The following DOK6 variants were observed in gnomAD, a reference collection of about 807,000 sequenced individuals.
The protein encoded by DOK6 is docking protein 6, also known as downstream of tyrosine kinase 6.
A neutral mutation model predicts 44.0 loss-of-function variants in DOK6; 22 were observed. That is an observed-to-expected ratio of 0.50 (90% confidence interval 0.36 to 0.71). The LOEUF is 0.71. Among genes scored for constraint, DOK6 ranks in the 30% least tolerant of loss-of-function variants. The probability of loss-of-function intolerance (pLI) is 0.00; values close to 1 mark genes in which losing one functional copy is unlikely to be tolerated. For missense variants in DOK6, 340 were observed against 416.4 expected (o/e 0.82, Z 1.60); for synonymous variants, 166 against 145.5 (o/e 1.14, Z -1.01).
Position 69,775,029 on chromosome 18 carries a change from C to T in DOK6, c.856+17156C>T, listed in dbSNP as rs868100396. 6.6e-5 allele frequency among the ~76,000 whole-genome samples: 10 copies of T among 151,530 alleles called. No individual in the cohort carries two copies. In the East Asian group the frequency reaches 9.6e-4, roughly 15 times the overall value. Reference sequence around the variant, plus strand: ...TTGACATCAGATATCTCAATAGCAACGAGATAGAACAGGAAGTGATGAAAT... The same window carrying T: ...TTGACATCAGATATCTCAATAGCAATGAGATAGAACAGGAAGTGATGAAAT... On this transcript the variant is annotated intron_variant, in intron 7 of 7. Transcript: ENST00000382713.
chr18:69,441,764 G>A (rs144772668), intron 1 of DOK6, among the ~76,000 whole-genome samples: 2 of 152,232 alleles, frequency 1.3e-5, no homozygotes, highest in Non-Finnish European at 1.5e-5. Flanking sequence ...CTGTTGCATT[G>A]TGAAAAGCAC....
intron 4 of DOK6, among the ~76,000 whole-genome samples, chr18:69,687,193 T>C (rs775209647): frequency 5.9e-5 from 9 of 152,156 alleles, no homozygotes; most frequent in African/African-American, 1.9e-4. Flanking sequence ...TTGAATCCAA[T>C]ATTATACAAA....
intron 1 of DOK6, among the ~76,000 whole-genome samples, chr18:69,466,817 G>A (rs1445521026): frequency 6.6e-6 from 1 of 151,586 alleles, no homozygotes; most frequent in Admixed American, 6.6e-5. Flanking sequence ...AAAGAAGGAA[G>A]GAAGAAAGAA....
intron 3 of DOK6, among the ~76,000 whole-genome samples, chr18:69,676,478 G>T (rs1599257625): frequency 6.6e-6 from 1 of 152,142 alleles, no homozygotes; most frequent in Non-Finnish European, 1.5e-5. Context: ...ACCTGTCACA[G>T]ATAACTTTTC....
chr18:69,542,008 TA>T lies in DOK6; in HGVS notation c.67-22474del, dbSNP rs935454855. 9.4e-4 allele frequency among the ~76,000 whole-genome samples: 142 copies of T among 151,440 alleles called. 4 individuals carry two copies. The highest frequency in any genetic ancestry group is 3.2e-3 in the African/African-American group (131 of 41,416). ...GTGAGTCCCTAGAGCTTAGTTTGAG[TA>T]AAAAGAAGTGGAAGTTAGTCTGAAA... On this transcript the variant is annotated intron_variant, in intron 1 of 7. Coordinates refer to ENST00000382713, the MANE Select transcript of DOK6 (RefSeq NM_152721.6).
At chr18:69,677,894 G>A (rs1467896744) in intron 4 of DOK6, 41 bp downstream of exon 4, 1 of 1,590,904 alleles carries the variant, frequency 6.3e-7, no homozygotes, top group East Asian at 2.3e-5. Flanking sequence ...GAATACCCTT[G>A]TAATTGTAGA....
At chr18:69,475,516 A>G (rs1246560618) in intron 1 of DOK6, among the ~76,000 whole-genome samples, 1 of 152,134 alleles carries the variant, frequency 6.6e-6, no homozygotes, top group Non-Finnish European at 1.5e-5. Context: ...GAAATTCAGC[A>G]TTTTCTGTGC....
intron 1 of DOK6, among the ~76,000 whole-genome samples, chr18:69,467,445 TC>T (rs1272846336): frequency 1.3e-5 from 2 of 152,162 alleles, no homozygotes; most frequent in African/African-American, 4.8e-5. Flanking sequence ...AGGAATATAG[TC>T]CTATACTATA....
chr18:69,614,096 A>G (rs1984226276), intron 3 of DOK6, among the ~76,000 whole-genome samples: 2 of 151,998 alleles, frequency 1.3e-5, no homozygotes, highest in South Asian at 4.1e-4. Context: ...CAAATTCTAT[A>G]TCTTTATTTC....
intron 3 of DOK6, among the ~76,000 whole-genome samples, chr18:69,619,143 G>A (rs934675643): frequency 1.3e-5 from 2 of 152,192 alleles, no homozygotes; most frequent in African/African-American, 4.8e-5. Context: ...CCAAAGAGGA[G>A]TAAGTTGGAC....
intron 1 of DOK6, among the ~76,000 whole-genome samples, chr18:69,421,936 A>G (rs1978504847): frequency 6.6e-6 from 1 of 152,186 alleles, no homozygotes. Context: ...CCCTGCCATT[A>G]AAACAAAGCA....
At chr18:69,637,301 A>C (rs529611587) in intron 3 of DOK6, among the ~76,000 whole-genome samples, 1 of 152,364 alleles carries the variant, frequency 6.6e-6, no homozygotes, top group East Asian at 1.9e-4. Context: ...TGAGTTTAGG[A>C]AATGCAATGT....
At chr18:69,805,036 T>C (rs1486362100) in intron 7 of DOK6, among the ~76,000 whole-genome samples, 3 of 152,192 alleles carry the variant, frequency 2.0e-5, no homozygotes, top group African/African-American at 7.2e-5. Flanking sequence ...AAGGCAGTAA[T>C]TCCCAGCAAG....
At chr18:69,742,180 C>T (rs561182420) in intron 6 of DOK6, among the ~76,000 whole-genome samples, 84 of 151,782 alleles carry the variant, frequency 5.5e-4, no homozygotes, top group Non-Finnish European at 1.0e-3. Context: ...TTTAGGAGGC[C>T]GAGGCAGGCA....
At chr18:69,456,235 G>C (rs887726639) in intron 1 of DOK6, among the ~76,000 whole-genome samples, 1 of 152,002 alleles carries the variant, frequency 6.6e-6, no homozygotes, top group Non-Finnish European at 1.5e-5. Flanking sequence ...TACTTGGGCA[G>C]GTTTGTTACA....
intron 1 of DOK6, among the ~76,000 whole-genome samples, chr18:69,494,658 T>C (rs1458175132): frequency 1.3e-5 from 2 of 152,230 alleles, no homozygotes; most frequent in African/African-American, 4.8e-5. Context: ...TATCTTCCTG[T>C]ACTCATTAAT....
intron 3 of DOK6, among the ~76,000 whole-genome samples, chr18:69,604,424 G>T (rs1983947559): frequency 6.6e-6 from 1 of 152,126 alleles, no homozygotes; most frequent in African/African-American, 2.4e-5. Context: ...TCCCAGAGAA[G>T]AATTTCCTGA....
At position 69,843,474 on chromosome 18, in the gene DOK6, T is replaced by G. The variant is rs1485303261; in HGVS notation, c.*2091T>G. ...CCGGCTCACTCAGTTGAGCTGTTGC[T>G]TAGACACCACAAGTTTCTACAAGGG... On this transcript the variant is annotated 3_prime_UTR_variant, in exon 8 of 8. Coordinates refer to ENST00000382713, the MANE Select transcript of DOK6 (RefSeq NM_152721.6). 2 of 152,246 alleles carry G rather than the reference T, an allele frequency of 1.3e-5. No individual in the cohort carries two copies. Among genetic ancestry groups the G allele is most frequent in the Non-Finnish European group, 2.9e-5 (2 of 68,038 alleles). The allele number at this position is 152,246 out of a possible 1,614,324, so 9.4% of individuals were successfully genotyped here. A position where few individuals can be genotyped will look rare whatever the true frequency, so the allele number is the denominator to read the frequency against.
At chr18:69,481,099 G>C (rs960073514) in intron 1 of DOK6, among the ~76,000 whole-genome samples, 1 of 152,132 alleles carries the variant, frequency 6.6e-6, no homozygotes, top group African/African-American at 2.4e-5. Context: ...ACCTTCTGCC[G>C]TCAGGCACTT....
Sources: allele counts gnomAD v4.1 joint callset (sites outside exome capture counted in the v4.1 genomes callset), GRCh38; gene constraint gnomAD v4.1.1; transcripts MANE v1.5; gene names NCBI Gene and HGNC (gene_info 2026-07-23, HGNC 2026-07-21).